Variants in SCNN1B observed in about 807,000 individuals in gnomAD.
SCNN1B encodes sodium channel epithelial 1 subunit beta.
Under a neutral mutation model 65.3 loss-of-function variants are expected in SCNN1B, and 46 were observed. The ratio of observed to expected loss-of-function variants is 0.70; its 90% confidence interval spans 0.56 to 0.90. The LOEUF is 0.90. Ranked by LOEUF, SCNN1B falls within the 40% of genes least tolerant of loss-of-function variation. The pLI is 0.00. For missense variants in SCNN1B, 751 were observed against 830.5 expected (o/e 0.90, Z 1.18); for synonymous variants, 349 against 330.6 (o/e 1.06, Z -0.60).
intron 1 of SCNN1B, among the ~76,000 whole-genome samples, chr16:23,332,651 A>G (rs573452920): frequency 1.3e-5 from 2 of 152,192 alleles, no homozygotes; most frequent in East Asian, 3.9e-4. Context: ...TTTATCCCCT[A>G]GGCTCCCTGT....
chr16:23,318,481 C>T (rs555996814), intron 1 of SCNN1B, among the ~76,000 whole-genome samples: 12 of 152,150 alleles, frequency 7.9e-5, no homozygotes, highest in African/African-American at 2.6e-4. Flanking sequence ...TGGTGGCGGA[C>T]GCCTGTAATC....
chr16:23,285,669 A>AT (rs34836746), intron 2 of SCNN1B, among the ~76,000 whole-genome samples: 63,973 of 151,806 alleles, frequency 0.42, 14,958 homozygotes, highest in African/African-American at 0.63. Flanking sequence ...TAATAAAAAA[A>AT]AATAATAAAA....
In SCNN1B at chr16:23,355,451, C is replaced by T. The variant is rs141889317; in HGVS notation, c.738C>T (p.Ile246=). The change falls in exon 4 of 13, where the codon ATC becomes ATT. Residue 246 remains isoleucine, a synonymous_variant. Transcript: ENST00000343070. The part of the protein sequence containing the change: ...VEMSYPGEQM[I]LACLFGAEPC... ...TGAGCTACCCCGGCGAGCAGATGAT[C>T]CTGGCCTGCCTATTCGGAGCTGAGC... 47 of 1,614,080 alleles carry T rather than the reference C, an allele frequency of 2.9e-5. No individual in the cohort carries two copies. In the Middle Eastern group the frequency reaches 8.2e-4, roughly 28 times the overall value.
chr16:23,306,757 G>A (rs1330952785), intron 1 of SCNN1B, among the ~76,000 whole-genome samples: 1 of 152,218 alleles, frequency 6.6e-6, no homozygotes, highest in Non-Finnish European at 1.5e-5. Flanking sequence ...AAAGCCTAGA[G>A]GCATGACCAA....
In SCNN1B at chr16:23,343,475, A is replaced by AAGGAAGGAAGGAAGGAAGGAAGG. The variant is rs1567304134; in HGVS notation, c.-8-5116_-8-5115insGGAAGGAAGGAAGGAAGGAAGGA. ...CAAAAATAAAAAAAGGAAAAGAAAG[A>AAGGAAGGAAGGAAGGAAGGAAGG]AAGGAAGGAAGGAAGGAAGGAAGGA... On this transcript the variant is annotated intron_variant, in intron 1 of 12. Transcript: ENST00000343070. Among the ~76,000 whole-genome samples, 24 of 113,134 alleles carry AAGGAAGGAAGGAAGGAAGGAAGG rather than the reference A, an allele frequency of 2.1e-4. 1 individual carries two copies. The highest frequency in any genetic ancestry group is 1.1e-3 in the African/African-American group (20 of 18,172). The allele number at this position is 113,134 out of a possible 152,430, so 74.2% of individuals were successfully genotyped here.
intron 4 of SCNN1B, among the ~76,000 whole-genome samples, chr16:23,365,583 GAAAGAGAA>G (rs1326626705): frequency 9.1e-4 from 55 of 60,260 alleles, no homozygotes; most frequent in Admixed American, 2.9e-3. Context: ...AAGAAAGAAA[GAAAGAGAA>G]AGAAAGAAAG....
intron 4 of SCNN1B, chr16:23,358,118 C>T (rs554840992): frequency 1.3e-5 from 2 of 152,428 alleles, no homozygotes; most frequent in Admixed American, 6.5e-5. Flanking sequence ...TGCCGGCCAC[C>T]TCATGGGTAG....
chr16:23,363,197 A>G (rs187484741), intron 4 of SCNN1B, among the ~76,000 whole-genome samples: 2 of 151,916 alleles, frequency 1.3e-5, no homozygotes, highest in Non-Finnish European at 2.9e-5. Flanking sequence ...TCTGTACCAG[A>G]CCCTGGGCAT....
intron 5 of SCNN1B, among the ~76,000 whole-genome samples, chr16:23,369,500 A>C (rs189570563): frequency 6.6e-6 from 1 of 152,052 alleles, no homozygotes; most frequent in Non-Finnish European, 1.5e-5. Flanking sequence ...CATGTGTTGC[A>C]CTGACCCCTA....
At position 23,377,144 on chromosome 16, in the gene SCNN1B, G is replaced by A. The variant is rs141877927; in HGVS notation, c.1271-21G>A. 546 of 1,611,496 alleles carry A rather than the reference G, an allele frequency of 3.4e-4. 4 individuals carry two copies. The highest frequency in any genetic ancestry group is 2.7e-3 in the African/African-American group (206 of 75,006). ...AAAAGCCCCCTTAAACCTCTTGGCC[G>A]CCTTTCTGTCTCCTGCGCAGCCCAT... On this transcript the variant is annotated intron_variant, in intron 8 of 12. Coordinates refer to ENST00000343070, the MANE Select transcript of SCNN1B (RefSeq NM_000336.3).
Position 23,352,991 on chromosome 16 carries a change from G to A in SCNN1B, c.502G>A (p.Gly168Arg), listed in dbSNP as rs2142020298. The change falls in exon 3 of 13, where the codon GGA becomes AGA. Residue 168 changes from glycine to arginine, a missense_variant. Gly to Arg is a moderately radical substitution (Grantham distance 125, BLOSUM62 -2). Transcript: ENST00000343070. ...PHHPMVLDLF[G>R]DNHNGLTSSS... ...CCACCCCATGGTCCTTGATCTCTTT[G>A]GAGACAACCACAATGGCTTAACAAG... 1 of 1,614,130 alleles carries A rather than the reference G, an allele frequency of 6.2e-7. No individual in the cohort carries two copies. The highest frequency in any genetic ancestry group is 8.5e-7 in the Non-Finnish European group (1 of 1,180,040).
rs1490468798 is a variant in SCNN1B at position 23,288,006 on chromosome 16, A to G, written n.178+4202A>G. On this transcript the variant is annotated intron_variant and non_coding_transcript_variant, in intron 2 of 3. Transcript: ENST00000569789. The stretch of plus-strand genomic sequence containing the variant: ...CCCATCTCTACAAAAAAAAAAAAAA[A>G]TTAGCTGGGCATGGTGGTGTGTGCC... Among the ~76,000 whole-genome samples, 10 of 150,800 alleles carry G rather than the reference A, an allele frequency of 6.6e-5. No homozygotes were observed. In the South Asian group the frequency reaches 1.9e-3, roughly 28 times the overall value.
chr16:23,352,940 G>C lies in SCNN1B; in HGVS notation c.451G>C (p.Val151Leu), dbSNP rs1416508039. The change falls in exon 3 of 13, where the codon GTC becomes CTC. Residue 151 changes from valine (V) to leucine (L), a missense_variant. Physicochemically the swap from Val to Leu is conservative, Grantham distance 32 (BLOSUM62 1). Coordinates refer to ENST00000343070, the MANE Select transcript of SCNN1B (RefSeq NM_000336.3). ...CTCCATCTGGAACCACACACCCCTGGTCCTTATTGATGAACGGAACCCCCA... is the reference window on the plus strand; with the variant it reads ...CTCCATCTGGAACCACACACCCCTGCTCCTTATTGATGAACGGAACCCCCA... ...NFSIWNHTPLVLIDERNPHHP... is the reference protein window; with the variant it reads ...NFSIWNHTPLLLIDERNPHHP... 4 of 1,613,998 alleles carry C rather than the reference G, an allele frequency of 2.5e-6. No homozygotes were observed. The highest frequency in any genetic ancestry group is 3.4e-6 in the Non-Finnish European group (4 of 1,180,042).
intron 10 of SCNN1B, among the ~76,000 whole-genome samples, chr16:23,377,655 T>TCCTTCATTC (rs1962938015): frequency 7.0e-6 from 1 of 143,786 alleles, no homozygotes; most frequent in Non-Finnish European, 1.5e-5. Flanking sequence ...CTCCCTCCCT[T>TCCTTCATTC]CTTCTTTCCT....
chr16:23,281,547 G>T (rs1355767740), intron 1 of SCNN1B, among the ~76,000 whole-genome samples: 1 of 152,214 alleles, frequency 6.6e-6, no homozygotes, highest in Non-Finnish European at 1.5e-5. Flanking sequence ...GTCCCTGGCT[G>T]TCCCTGGTGG....
rs143966355 is a variant in SCNN1B at position 23,305,793 on chromosome 16, C to T, written c.-9+3356C>T. ...AAAAGAAAAGCTGGCAACTCTGGGC[C>T]AGACACTCAGCTGCCCCCTTACATG... is the stretch of plus-strand genomic sequence containing the variant. On this transcript the variant is annotated intron_variant, in intron 1 of 12. Coordinates refer to ENST00000343070, the MANE Select transcript of SCNN1B (RefSeq NM_000336.3). 1.3e-4 allele frequency among the ~76,000 whole-genome samples: 19 copies of T among 151,586 alleles called. No individual in the cohort carries two copies. In the East Asian group the frequency reaches 3.3e-3, roughly 26 times the overall value.
intron 4 of SCNN1B, among the ~76,000 whole-genome samples, chr16:23,355,854 G>A (rs766085488): frequency 1.3e-4 from 20 of 152,228 alleles, no homozygotes; most frequent in Middle Eastern, 6.8e-3. Flanking sequence ...ACTTTGTGAG[G>A]TGGAGACGGG....
At chr16:23,282,008 A>G (rs1960790902) in intron 1 of SCNN1B, among the ~76,000 whole-genome samples, 1 of 152,106 alleles carries the variant, frequency 6.6e-6, no homozygotes, top group South Asian at 2.1e-4. Flanking sequence ...CCTGGGCAAC[A>G]TGGGGAAACT....
In SCNN1B at chr16:23,371,092, G is replaced by A. The variant is rs921186371; in HGVS notation, c.881-207G>A. 3.6e-4 allele frequency among the ~76,000 whole-genome samples: 55 copies of A among 152,206 alleles called. 1 individual carries two copies. Among genetic ancestry groups the A allele is most frequent in the Admixed American group, 3.5e-3 (54 of 15,290 alleles). On this transcript the variant is annotated intron_variant, in intron 5 of 12. Transcript: ENST00000343070. ...GGAGGCAAGAGACACCTAGGGAGGA[G>A]GCTACGTAAGAGCCTGCCTTAGAGA... is the stretch of plus-strand genomic sequence containing the variant.
Sources: allele counts gnomAD v4.1 joint callset (sites outside exome capture counted in the v4.1 genomes callset), GRCh38; gene constraint gnomAD v4.1.1; transcripts MANE v1.5; gene names NCBI Gene and HGNC (gene_info 2026-07-23, HGNC 2026-07-21).